Variants in LIMCH1 observed in about 807,000 individuals in gnomAD.
LIMCH1 encodes the protein LIM and calponin homology domains 1.
Under a neutral mutation model 176.5 loss-of-function variants are expected in LIMCH1, and 113 were observed. The ratio of observed to expected loss-of-function variants is 0.64; its 90% CI spans 0.55 to 0.75. The LOEUF is 0.75. LIMCH1 is among the 30% of genes least tolerant of loss of function. LIMCH1 has a pLI of 0.00. For missense variants in LIMCH1, 1,674 were observed against 1,814.9 expected, an observed-to-expected ratio of 0.92 and a Z score of 1.41; for synonymous variants, 619 against 645.9, an observed-to-expected ratio of 0.96 and a Z score of 0.63.
rs143244283 is a variant in LIMCH1, at chr4:41,639,859, T to C, written c.2126+892T>C. ...TGTGGCCTCGTGGGAGCCTGGGCCA[T>C]CCAGAATGTAATCACCAGTCCTCCT... On this transcript the variant is annotated intron_variant, in intron 14 of 31. Coordinates refer to ENST00000503057, the MANE Select transcript of LIMCH1 (RefSeq NM_001330672.2). Among the ~76,000 whole-genome samples, 660 of 152,260 alleles carry C rather than the reference T, an allele frequency of 4.3e-3. 7 individuals are homozygous for C. Among genetic ancestry groups the C allele is most frequent in the African/African-American group, 0.015 (641 of 41,540 alleles).
chr4:41,596,458 A>G (rs2088837158), intron 1 of LIMCH1, among the ~76,000 whole-genome samples: 1 of 152,198 alleles, frequency 6.6e-6, no homozygotes, highest in South Asian at 2.1e-4. Context: ...AACAAAGTTA[A>G]CTAGAAAAAA....
At chr4:41,602,356 C>CCACATAATA (rs983958316) in intron 2 of LIMCH1, among the ~76,000 whole-genome samples, 12 of 152,152 alleles carry the variant, frequency 7.9e-5, no homozygotes, top group African/African-American at 2.6e-4. Flanking sequence ...GGAAGTATTT[C>CCACATAATA]CACATAATAG....
chr4:41,365,702 G>A (rs541685725), intron 1 of LIMCH1, among the ~76,000 whole-genome samples: 4 of 152,316 alleles, frequency 2.6e-5, no homozygotes, highest in African/African-American at 7.2e-5. Flanking sequence ...GAGAGCAGGC[G>A]GCATCTTTCT....
intron 3 of LIMCH1, among the ~76,000 whole-genome samples, chr4:41,527,684 G>A (rs977027124): frequency 1.3e-5 from 2 of 152,060 alleles, no homozygotes; most frequent in African/African-American, 4.8e-5. Flanking sequence ...TTAGCCAGGC[G>A]CGGTGGTGGG....
At chr4:41,531,917 G>A (rs1474411608) in intron 3 of LIMCH1, among the ~76,000 whole-genome samples, 2 of 152,202 alleles carry the variant, frequency 1.3e-5, no homozygotes, top group Non-Finnish European at 2.9e-5. Context: ...TGTTCTGTGT[G>A]AAGAAGGCAT....
chr4:41,557,337 G>T (rs1171787057), intron 1 of LIMCH1, among the ~76,000 whole-genome samples: 1 of 152,000 alleles, frequency 6.6e-6, no homozygotes, highest in Non-Finnish European at 1.5e-5. Context: ...GTTATACAAG[G>T]GAGCCTCATG....
intron 2 of LIMCH1, among the ~76,000 whole-genome samples, chr4:41,516,594 T>C (rs572542705): frequency 6.6e-6 from 1 of 152,302 alleles, no homozygotes; most frequent in South Asian, 2.1e-4. Context: ...GGAATAGTTA[T>C]GCAAAGAACA....
chr4:41,547,853 T>G (rs1314746249), intron 1 of LIMCH1, among the ~76,000 whole-genome samples: 2 of 102,702 alleles, frequency 1.9e-5, no homozygotes, highest in African/African-American at 3.7e-5. Flanking sequence ...GATATATAAT[T>G]TGTGTGTGTG....
intron 24 of LIMCH1, among the ~76,000 whole-genome samples, chr4:41,680,527 G>T (rs1714858641): frequency 6.6e-6 from 1 of 152,168 alleles, no homozygotes; most frequent in Admixed American, 6.5e-5. Context: ...GAGGAGAAGA[G>T]AATTTTGTTT....
At chr4:41,428,491 C>T (rs915318937) in intron 1 of LIMCH1, among the ~76,000 whole-genome samples, 2 of 152,082 alleles carry the variant, frequency 1.3e-5, no homozygotes, top group African/African-American at 4.8e-5. Context: ...ATGAGAAGAG[C>T]TGATAGGGAG....
At chr4:41,400,059 A>G (rs1341807296) in intron 1 of LIMCH1, among the ~76,000 whole-genome samples, 2 of 151,074 alleles carry the variant, frequency 1.3e-5, no homozygotes, top group African/African-American at 4.9e-5. Context: ...TAGAGAGATT[A>G]CATTTCCTAA....
At chr4:41,562,349 A>T (rs1271670826) in intron 1 of LIMCH1, among the ~76,000 whole-genome samples, 1 of 152,128 alleles carries the variant, frequency 6.6e-6, no homozygotes, top group Non-Finnish European at 1.5e-5. Flanking sequence ...TCTGAGTGGT[A>T]TTTTAACTTT....
chr4:41,662,447 C>T (rs930154162), intron 19 of LIMCH1, among the ~76,000 whole-genome samples: 2 of 152,176 alleles, frequency 1.3e-5, no homozygotes, highest in African/African-American at 4.8e-5. Context: ...GGTTGCTGCT[C>T]ATTCACTGGG....
chr4:41,612,586 T>C, intron 4 of LIMCH1: 2 of 702,616 alleles, frequency 2.8e-6, no homozygotes, highest in Non-Finnish European at 5.2e-6. Flanking sequence ...GGAACAAGGC[T>C]TTTATTATAA....
chr4:41,569,360 T>G (rs1269558199), intron 1 of LIMCH1, among the ~76,000 whole-genome samples: 2 of 152,110 alleles, frequency 1.3e-5, no homozygotes, highest in African/African-American at 2.4e-5. Context: ...CCGTAAAACC[T>G]GTAGTATGGA....
chr4:41,619,255 G>A lies in LIMCH1; in HGVS notation c.273G>A (p.Met91Ile). The change falls in exon 6 of 32, where the codon ATG (methionine) becomes ATA (isoleucine). Residue 91 changes from methionine (M) to isoleucine (I), a missense_variant. Coordinates refer to ENST00000503057, the MANE Select transcript of LIMCH1 (RefSeq NM_001330672.2). ...TGCCAGATGTGAAGAAGGATGACAT[G>A]TCTGCACGGCGGACTTCCCATGGTG... is the stretch of plus-strand genomic sequence containing the variant. ...RKLPDVKKDD[M>I]SARRTSHGEP... 6.2e-7 allele frequency: 1 copy of A among 1,614,202 alleles called. No homozygotes were observed. Among genetic ancestry groups the A allele is most frequent in the Non-Finnish European group, 8.5e-7 (1 of 1,180,040 alleles).
chr4:41,518,926 C>A (rs553239357), intron 2 of LIMCH1, among the ~76,000 whole-genome samples: 3 of 151,698 alleles, frequency 2.0e-5, no homozygotes, highest in Non-Finnish European at 4.4e-5. Flanking sequence ...TTTTTTTTTA[C>A]GGCTGCATAG....
In LIMCH1 at chr4:41,407,481, T is replaced by TGG. The variant is rs1487928166; in HGVS notation, c.96+46546_96+46547dup. 2.6e-5 allele frequency among the ~76,000 whole-genome samples: 4 copies of TGG among 152,158 alleles called. No individual in the cohort carries two copies. In the East Asian group the frequency reaches 7.7e-4, roughly 29 times the overall value. ...CTGGGCTCAAGTGATCCTCCCGCCT[T>TGG]GGCCTCCCAAAGTGCCGGGTTTACA... On this transcript the variant is annotated intron_variant, in intron 1 of 26. Coordinates refer to the LIMCH1 transcript ENST00000313860.
At chr4:41,578,601 TCTG>T (rs569217237) in intron 1 of LIMCH1, among the ~76,000 whole-genome samples, 82 of 152,316 alleles carry the variant, frequency 5.4e-4, no homozygotes, top group African/African-American at 1.9e-3. Context: ...AAACTCTTTC[TCTG>T]CTGTTGTTTT....
Sources: allele counts gnomAD v4.1 joint callset (sites outside exome capture counted in the v4.1 genomes callset), GRCh38; gene constraint gnomAD v4.1.1; transcripts MANE v1.5; gene names NCBI Gene and HGNC (gene_info 2026-07-23, HGNC 2026-07-21).